Variants in GID4 observed in about 807,000 individuals in gnomAD.
The protein encoded by GID4 is GID complex subunit 4 homolog, also known as glucose-induced degradation protein 4 homolog.
GID4 carries 7 observed loss-of-function variants against 32.4 expected under a neutral mutation model. The observed-to-expected ratio is 0.22, with a 90% CI of 0.12 to 0.41. The LOEUF is 0.41. GID4 is among the 10% of genes least tolerant of loss of function. GID4 has a pLI of 1.00. For missense variants in GID4, 309 were observed against 400.0 expected (o/e 0.77, Z 1.94); for synonymous variants, 166 against 170.0 (o/e 0.98, Z 0.18).
chr17:18,059,034 T>C (rs1232650248), intron 4 of GID4, 65 bp downstream of exon 4: 2 of 901,148 alleles, frequency 2.2e-6, no homozygotes, highest in African/African-American at 1.7e-5. Context: ...CACCTACATA[T>C]TCACTCTAAC....
intron 3 of GID4, 125 bp downstream of exon 3, chr17:18,054,359 A>C (rs185851976): frequency 5.1e-6 from 3 of 587,256 alleles, no homozygotes; most frequent in Non-Finnish European, 9.1e-6. Flanking sequence ...AAAAGGTTGC[A>C]CTGCACACAG....
chr17:18,054,313 C>T, intron 3 of GID4, 79 bp downstream of exon 3: 2 of 887,914 alleles, frequency 2.3e-6, no homozygotes, highest in East Asian at 5.1e-5. Flanking sequence ...GAGACCTTGT[C>T]CCTTATTGAG....
intron 3 of GID4, among the ~76,000 whole-genome samples, chr17:18,058,666 G>A (rs777989235): frequency 6.6e-6 from 1 of 152,146 alleles, no homozygotes; most frequent in African/African-American, 2.4e-5. Context: ...TGGAGTCCAG[G>A]TATCTGCCCC....
rs2044773382 is a variant in GID4 at position 18,039,952 on chromosome 17, G to A, written c.438+50G>A. 2.3e-6 allele frequency: 3 copies of A among 1,307,682 alleles called. No homozygotes were observed. In the South Asian group the frequency reaches 7.4e-5, roughly 32 times the overall value. The allele number at this position is 1,307,682 out of a possible 1,614,324, so 81.0% of individuals were successfully genotyped here. A position where few individuals can be genotyped will look rare whatever the true frequency, so the allele number is the denominator to read the frequency against. On this transcript the variant is annotated intron_variant, in intron 1 of 5. Transcript: ENST00000268719. The surrounding 1 kb of genome is among the most constrained non-coding windows in gnomAD (Gnocchi z 5.3). ...CCGAGGGCCTCCTCGCGGCGCTCAC[G>A]GGCCGTGCCCGCTTCGGCTCCTCGA...
At chr17:18,060,400 C>CAAA (rs919974638) in intron 4 of GID4, among the ~76,000 whole-genome samples, 350 of 42,650 alleles carry the variant, frequency 8.2e-3, no homozygotes, top group Middle Eastern at 0.013. Context: ...TCTGTCTCAC[C>CAAA]AAAAAAAAAA....
Position 18,050,194 on chromosome 17 carries a change from C to A in GID4, c.499-3933C>A, listed in dbSNP as rs529722919. Among the ~76,000 whole-genome samples the A allele has an allele frequency of 5.9e-5, 9 of 152,244 alleles. No homozygotes were observed. The East Asian group carries it at 1.5e-3, about 26-fold the overall frequency. On this transcript the variant is annotated intron_variant, in intron 2 of 5. Transcript: ENST00000268719. ...TAGTGCTACAGTGAACATTTGCATG[C>A]ATGTATCTTTATAGTAGAATGATTT...
At chr17:18,063,400 A>AC (rs943487971) in intron 5 of GID4, among the ~76,000 whole-genome samples, 8 of 152,114 alleles carry the variant, frequency 5.3e-5, no homozygotes, top group Admixed American at 3.9e-4. Flanking sequence ...ACAGAGTGAG[A>AC]CTGCATCTCA....
chr17:18,049,776 C>T (rs1021734038), intron 2 of GID4, among the ~76,000 whole-genome samples: 14 of 152,120 alleles, frequency 9.2e-5, no homozygotes, highest in South Asian at 6.2e-4. Flanking sequence ...TAGCATGTAC[C>T]ACCACACCAG....
At position 18,050,114 on chromosome 17, in the gene GID4, T is replaced by C. The variant is rs192913767; in HGVS notation, c.499-4013T>C. Among the ~76,000 whole-genome samples, 446 of 152,352 alleles carry C rather than the reference T, an allele frequency of 2.9e-3. 1 individual carries two copies. Among genetic ancestry groups the C allele is most frequent in the Non-Finnish European group, 4.9e-3 (331 of 68,026 alleles). ...TGGTGTATATATACCACGTTTTCTT[T>C]ATCCAATCTGTCATTGATGGGCATT... is the stretch of plus-strand genomic sequence containing the variant. On this transcript the variant is annotated intron_variant, in intron 2 of 5. Transcript: ENST00000268719.
rs1372875029 is a variant in GID4 at position 18,066,414 on chromosome 17, A to G, written c.*1171A>G. On this transcript the variant is annotated 3_prime_UTR_variant, in exon 6 of 6. Coordinates refer to ENST00000268719, the MANE Select transcript of GID4 (RefSeq NM_024052.5). ...TGGGACAGGGGAAGGGGTGGGAAAC[A>G]TGAACATGCTCAAATAACTCGAGGC... 1 of 152,538 alleles carries G rather than the reference A, an allele frequency of 6.6e-6. No individual in the cohort carries two copies. The highest frequency in any genetic ancestry group is 6.6e-5 in the Admixed American group (1 of 15,258). 9.4% of individuals were successfully genotyped at this position (152,538 alleles called of 1,614,324 possible).
chr17:18,050,746 T>G (rs576396891), intron 2 of GID4, among the ~76,000 whole-genome samples: 79 of 152,330 alleles, frequency 5.2e-4, no homozygotes, highest in African/African-American at 1.9e-3. Flanking sequence ...CCACACAGTT[T>G]TGGGTGAGCC....
chr17:18,057,144 A>G (rs1038237883), intron 3 of GID4: 12 of 1,324,712 alleles, frequency 9.1e-6, no homozygotes, highest in South Asian at 1.6e-5. Context: ...AAAAATGTCT[A>G]TGTGACACCA....
chr17:18,048,341 G>A (rs183367581), intron 2 of GID4, among the ~76,000 whole-genome samples: 26 of 150,772 alleles, frequency 1.7e-4, no homozygotes, highest in African/African-American at 4.6e-4. Flanking sequence ...GATTACAGGC[G>A]TGCGCCACCC....
chr17:18,060,084 C>CAAAAAA (rs35399188), intron 4 of GID4, among the ~76,000 whole-genome samples: 12 of 60,474 alleles, frequency 2.0e-4, no homozygotes, highest in African/African-American at 3.4e-4. Flanking sequence ...GACTCCATCT[C>CAAAAAA]AAAAAAAAAA....
rs1476516529 is a variant in GID4 at position 18,067,732 on chromosome 17, G to A, written c.*2489G>A. 6.6e-6 allele frequency: 1 copy of A among 152,634 alleles called. No individual in the cohort carries two copies. The highest frequency in any genetic ancestry group is 1.5e-5 in the Non-Finnish European group (1 of 68,042). The allele number at this position is 152,634 out of a possible 1,614,324, so 9.5% of individuals were successfully genotyped here. On this transcript the variant is annotated 3_prime_UTR_variant, in exon 6 of 6. Transcript: ENST00000268719. Reference sequence around the variant, plus strand: ...GAAACTATGTGCAATATTTTTGGTTGACACTTGTATCCATCCTTAAGAAAT... The same window carrying A: ...GAAACTATGTGCAATATTTTTGGTTAACACTTGTATCCATCCTTAAGAAAT...
intron 2 of GID4, among the ~76,000 whole-genome samples, chr17:18,045,971 T>A (rs770314514): frequency 4.6e-5 from 7 of 152,130 alleles, no homozygotes; most frequent in Non-Finnish European, 1.0e-4. Context: ...GCAGAGTATT[T>A]TATTTTCTTT....
At chr17:18,059,573 G>A (rs1409337764) in intron 4 of GID4, among the ~76,000 whole-genome samples, 1 of 152,140 alleles carries the variant, frequency 6.6e-6, no homozygotes, top group Non-Finnish European at 1.5e-5. Context: ...TAGCTGCGAG[G>A]TCATTTGTGC....
At position 18,066,873 on chromosome 17, in the gene GID4, T is replaced by C. The variant is rs962033154; in HGVS notation, c.*1630T>C. The C allele has an allele frequency of 1.3e-5, 2 of 152,246 alleles. No homozygotes were observed. The allele number at this position is 152,246 out of a possible 1,614,324, so 9.4% of individuals were successfully genotyped here. On this transcript the variant is annotated 3_prime_UTR_variant, in exon 6 of 6. Coordinates refer to ENST00000268719, the MANE Select transcript of GID4 (RefSeq NM_024052.5). ...AAGTAGCCAGTGGGCACTTGTGATATCTAAAATCTGTTATCCCAGGACTGT... is the reference window on the plus strand; with the variant it reads ...AAGTAGCCAGTGGGCACTTGTGATACCTAAAATCTGTTATCCCAGGACTGT...
rs1160236597 is a variant in GID4 at position 18,067,614 on chromosome 17, A to G, written c.*2371A>G. 6.6e-6 allele frequency: 1 copy of G among 152,448 alleles called. No homozygotes were observed. The highest frequency in any genetic ancestry group is 1.5e-5 in the Non-Finnish European group (1 of 68,016). 9.4% of individuals were successfully genotyped at this position (152,448 alleles called of 1,614,324 possible). A position where few individuals can be genotyped will look rare whatever the true frequency, so the allele number is the denominator to read the frequency against. ...AGTAACTCCTGAATTACCAACATCA[A>G]CTTCTTTCTCTCCGTTCCTGAAGGA... On this transcript the variant is annotated 3_prime_UTR_variant, in exon 6 of 6. Coordinates refer to ENST00000268719, the MANE Select transcript of GID4 (RefSeq NM_024052.5).
Sources: gnomAD v4.1 joint callset for allele counts (sites outside exome capture counted in the v4.1 genomes callset) on GRCh38, gnomAD v4.1.1 for gene constraint, Gnocchi (gnomAD v3.1) non-coding constraint, MANE v1.5 for transcripts, NCBI Gene and HGNC (gene_info 2026-07-23, HGNC 2026-07-21) for gene names.